Variants in KLRC1 observed in about 807,000 individuals in gnomAD.
The protein encoded by KLRC1 is NKG2-A/NKG2-B type II integral membrane protein.
A neutral mutation model predicts 25.9 loss-of-function variants in KLRC1; 22 were observed. The observed-to-expected ratio is 0.85, with a 90% CI of 0.61 to 1.21. The LOEUF is 1.21. Ranked by LOEUF, KLRC1 falls within the 50% of genes most tolerant of loss-of-function variation. The pLI, the probability that KLRC1 is intolerant of heterozygous loss-of-function variation, is 0.00. For synonymous variants in KLRC1, 77 were observed against 93.1 expected, an observed-to-expected ratio of 0.83 and a Z score of 0.99; for missense variants, 240 against 272.2, an observed-to-expected ratio of 0.88 and a Z score of 0.83.
chr12:10,444,510 T>C (rs562357191), downstream of KLRC1, among the ~76,000 whole-genome samples: 85 of 152,310 alleles, frequency 5.6e-4, no homozygotes, highest in African/African-American at 1.8e-3. Flanking sequence ...GGCAATACCA[T>C]TATGGTCTTT....
downstream of KLRC1, among the ~76,000 whole-genome samples, chr12:10,442,905 C>G (rs1380123301): frequency 1.4e-5 from 1 of 73,992 alleles, no homozygotes; most frequent in Non-Finnish European, 2.7e-5. Context: ...ACAATCATCA[C>G]ATGCTCTCAC....
chr12:10,453,752 T>A (rs1366362177), upstream of KLRC1, among the ~76,000 whole-genome samples: 1 of 152,182 alleles, frequency 6.6e-6, no homozygotes, highest in Non-Finnish European at 1.5e-5. Context: ...TATCTACTGA[T>A]TTTTTCCTTA....
chr12:10,449,478 C>T (rs2734440), intron 4 of KLRC1, 90 bp from the exon 5 acceptor site: 969,944 of 1,553,716 alleles, frequency 0.62, 309,028 homozygotes, highest in Non-Finnish European at 0.65. Flanking sequence ...TAAACCTATA[C>T]GTATGCAACA....
chr12:10,449,940 G>T lies in KLRC1; in HGVS notation c.311C>A (p.Ser104Tyr), dbSNP rs867786860. The change falls in exon 4 of 7, where the codon TCT (serine) becomes TAT (tyrosine). Residue 104 changes from serine (S) to tyrosine (Y), a missense_variant. By Grantham distance (144) the Ser-to-Tyr change is moderately radical (BLOSUM62 -2). Transcript: ENST00000359151. The stretch of plus-strand genomic sequence containing the variant: ...TTTCTGAGTTCTTGTATTCAGGGAA[G>T]AATTGTTGTGCCTCTGTATTAATGT... The part of the protein sequence containing the change: ...PSTLIQRHNN[S>Y]SLNTRTQKAR... The T allele has an allele frequency of 6.7e-7, 1 of 1,490,480 alleles. No individual in the cohort carries two copies. The highest frequency in any genetic ancestry group is 9.0e-7 in the Non-Finnish European group (1 of 1,117,088). 92.3% of individuals were successfully genotyped at this position (1,490,480 alleles called of 1,614,324 possible).
At chr12:10,445,150 C>T (rs1332811477), downstream of KLRC1, among the ~76,000 whole-genome samples, 1 of 151,758 alleles carries the variant, frequency 6.6e-6, no homozygotes. Flanking sequence ...AATCTCTTGA[C>T]CTCCTGATCC....
At chr12:10,444,825 A>G (rs1346948593), downstream of KLRC1, among the ~76,000 whole-genome samples, 1 of 152,004 alleles carries the variant, frequency 6.6e-6, no homozygotes, top group Non-Finnish European at 1.5e-5. Flanking sequence ...CCTTTCAAGT[A>G]TATAGCTATG....
rs1863990094 is a variant in KLRC1 at position 10,446,573 on chromosome 12, T to C, written c.680A>G (p.Tyr227Cys). ...KSAQCGSSII[Y>C]HCKHKL ...CCTCTAAAGCTTATGCTTACAATGA[T>C]ATATTATTGAAGATCCACACTGGGC... Residue 227 changes from tyrosine to cysteine, a missense_variant, in exon 7 of 7, where the codon TAT (tyrosine) becomes TGT (cysteine). Transcript: ENST00000359151. 1 of 1,613,614 alleles carries C rather than the reference T, an allele frequency of 6.2e-7. No homozygotes were observed. Among genetic ancestry groups the C allele is most frequent in the African/African-American group, 1.3e-5 (1 of 74,870 alleles).
Position 10,447,517 on chromosome 12 carries a change from T to C in KLRC1, c.590+15A>G, listed in dbSNP as rs370264388. The C allele has an allele frequency of 8.4e-5, 133 of 1,589,484 alleles. No homozygotes were observed. Among genetic ancestry groups the C allele is most frequent in the Non-Finnish European group, 1.1e-4 (122 of 1,160,984 alleles). The stretch of plus-strand genomic sequence containing the variant: ...ATATATATATTGTTATATAGCGCCA[T>C]ACAAAACAACTTACTCATGTTTGAA... On this transcript the variant is annotated intron_variant, in intron 6 of 6. Transcript: ENST00000359151.
chr12:10,451,940 A>G (rs1864135103), intron 1 of KLRC1, among the ~76,000 whole-genome samples: 1 of 151,930 alleles, frequency 6.6e-6, no homozygotes, highest in Non-Finnish European at 1.5e-5. Flanking sequence ...CATTACTTTT[A>G]ATTAGTAATT....
At chr12:10,447,489 T>C (rs1864013435) in intron 6 of KLRC1, 43 bp downstream of exon 6, 2 of 1,406,712 alleles carry the variant, frequency 1.4e-6, no homozygotes, top group Non-Finnish European at 2.0e-6. Flanking sequence ...GAATTTATCC[T>C]TTATATATAT....
chr12:10,454,647 A>G, upstream of KLRC1: 1 of 985,106 alleles, frequency 1.0e-6, no homozygotes, highest in Non-Finnish European at 1.2e-6. Context: ...GAAGATACTA[A>G]AATGGCCCTG....
At chr12:10,443,501 T>C (rs1431033516), downstream of KLRC1, among the ~76,000 whole-genome samples, 3 of 139,430 alleles carry the variant, frequency 2.2e-5, no homozygotes, top group Admixed American at 2.1e-4. Flanking sequence ...TTTTTTATCA[T>C]TGCATGTACC....
chr12:10,445,510 A>G (rs1377687971), downstream of KLRC1, among the ~76,000 whole-genome samples: 2 of 152,192 alleles, frequency 1.3e-5, no homozygotes, highest in African/African-American at 2.4e-5. Flanking sequence ...TCAGAAAACG[A>G]TACATATGAT....
At chr12:10,451,326 C>T (rs948377341) in intron 1 of KLRC1, 139 bp from the exon 2 acceptor site, 13 of 479,720 alleles carry the variant, frequency 2.7e-5, no homozygotes, top group Non-Finnish European at 6.8e-6. Flanking sequence ...TGATTTTCTT[C>T]AAGCCTAAAC....
chr12:10,451,715 C>T (rs1864131312), intron 1 of KLRC1, among the ~76,000 whole-genome samples: 1 of 151,848 alleles, frequency 6.6e-6, no homozygotes, highest in South Asian at 2.1e-4. Context: ...CAATGAGAAG[C>T]AATAAATTAC....
chr12:10,449,453 A>G (rs771305139), intron 4 of KLRC1, 65 bp from the exon 5 acceptor site: 127 of 1,587,942 alleles, frequency 8.0e-5, no homozygotes, highest in Non-Finnish European at 1.0e-4. Flanking sequence ...ATTAGTTCAC[A>G]TATTTGCAAA....
intron 2 of KLRC1, 44 bp downstream of exon 2, chr12:10,450,926 G>A: frequency 7.1e-7 from 1 of 1,408,642 alleles, no homozygotes; most frequent in East Asian, 2.3e-5. Context: ...ACCCCAAGCT[G>A]CACATCCTAG....
chr12:10,449,248 C>A lies in KLRC1; in HGVS notation c.478G>T (p.Glu160Ter), dbSNP rs547241730. The A allele has an allele frequency of 1.9e-6, 3 of 1,613,674 alleles. No homozygotes were observed. The highest frequency in any genetic ancestry group is 1.3e-5 in the African/African-American group (1 of 74,886). ...KNSSLLSIDN[E>*]EEMKFLSIIS... is the part of the protein sequence containing the mutation. ...CATTTACATCTTACCATTTCTTCTT[C>A]ATTATCTATAGAAAGCAGACTGGAG... Residue 160 changes from glutamate (E) to a stop codon, truncating the protein, a stop_gained, in exon 5 of 7, where the codon GAA (glutamate) becomes TAA (stop). Coordinates refer to ENST00000359151, the MANE Select transcript of KLRC1 (RefSeq NM_002259.5). LOFTEE classifies it high-confidence loss of function.
rs1864048115 is a variant in KLRC1, at chr12:10,448,618, ACAGGATTG to A, written c.489+611_489+618del. On this transcript the variant is annotated intron_variant, in intron 5 of 6. Transcript: ENST00000359151. ...GAGACTCACTTCCCCATCCAGAGAC[ACAGGATTG>A]AATGGATTCTTAGTGTTCTTTGTAC... 3.3e-5 allele frequency among the ~76,000 whole-genome samples: 5 copies of A among 152,342 alleles called. No individual in the cohort carries two copies. The South Asian group carries it at 1.0e-3, about 32-fold the overall frequency.
Sources: gnomAD v4.1 joint callset for allele counts (sites outside exome capture counted in the v4.1 genomes callset) on GRCh38, gnomAD v4.1.1 for gene constraint, MANE v1.5 for transcripts, NCBI Gene and HGNC (gene_info 2026-07-23, HGNC 2026-07-21) for gene names.